The following SKAP2 variants were observed in gnomAD, a reference collection of about 807,000 sequenced individuals.
SKAP2 encodes src kinase-associated phosphoprotein 2.
In SKAP2, 28 loss-of-function variants were observed where a neutral mutation model predicts 54.9. The ratio of observed to expected loss-of-function variants is 0.51; its 90% confidence interval spans 0.38 to 0.70. The LOEUF (loss-of-function observed/expected upper bound fraction) is 0.70. SKAP2 is among the 30% of genes least tolerant of loss of function. SKAP2 has a pLI of 0.00. For missense variants in SKAP2, 356 were observed against 424.1 expected (o/e 0.84, Z 1.41); for synonymous variants, 137 against 134.3 (o/e 1.02, Z -0.14).
intron 4 of SKAP2, among the ~76,000 whole-genome samples, chr7:26,817,936 G>A (rs559546106): frequency 2.0e-5 from 3 of 152,156 alleles, no homozygotes; most frequent in South Asian, 4.1e-4. Flanking sequence ...GGAAATAAGA[G>A]AGAACACAAA....
At chr7:26,679,072 G>A (rs1322243680) in intron 11 of SKAP2, among the ~76,000 whole-genome samples, 1 of 152,136 alleles carries the variant, frequency 6.6e-6, no homozygotes, top group Non-Finnish European at 1.5e-5. Context: ...TATTCATGCT[G>A]AAGTAAATCA....
At chr7:26,822,907 A>G (rs2127990732) in intron 4 of SKAP2, among the ~76,000 whole-genome samples, 1 of 151,972 alleles carries the variant, frequency 6.6e-6, no homozygotes, top group South Asian at 2.1e-4. Flanking sequence ...TTACCCAACA[A>G]AGGCTCTAAG....
chr7:26,752,348 T>C (rs140190028), intron 4 of SKAP2, among the ~76,000 whole-genome samples: 383 of 152,276 alleles, frequency 2.5e-3, no homozygotes, highest in African/African-American at 8.8e-3. Context: ...TTACAGTATA[T>C]AAAATAAAAG....
chr7:26,820,877 T>C (rs1318592573), intron 4 of SKAP2, among the ~76,000 whole-genome samples: 1 of 152,222 alleles, frequency 6.6e-6, no homozygotes, highest in Non-Finnish European at 1.5e-5. Flanking sequence ...TCTTGTGACA[T>C]TACAGTAACC....
intron 9 of SKAP2, among the ~76,000 whole-genome samples, chr7:26,712,154 A>G (rs1787324928): frequency 6.6e-6 from 1 of 152,146 alleles, no homozygotes; most frequent in Non-Finnish European, 1.5e-5. Context: ...CAAATTTCAG[A>G]TTTTTTTGAA....
At chr7:26,800,943 C>G (rs1359703324) in intron 4 of SKAP2, among the ~76,000 whole-genome samples, 3 of 152,000 alleles carry the variant, frequency 2.0e-5, no homozygotes, top group African/African-American at 7.2e-5. Flanking sequence ...CAATCCTAAT[C>G]AAACTAGTCC....
intron 4 of SKAP2, among the ~76,000 whole-genome samples, chr7:26,788,306 C>T (rs1248100633): frequency 1.3e-5 from 2 of 152,054 alleles, no homozygotes; most frequent in African/African-American, 2.4e-5. Flanking sequence ...AACAGCTGTG[C>T]CACTGGCTGT....
At chr7:26,824,767 G>A (rs1025532405) in intron 4 of SKAP2, among the ~76,000 whole-genome samples, 3 of 152,126 alleles carry the variant, frequency 2.0e-5, no homozygotes, top group African/African-American at 7.2e-5. Context: ...ACGTATGGCT[G>A]TGATGTATAA....
chr7:26,779,419 C>A (rs1017799147), intron 4 of SKAP2, among the ~76,000 whole-genome samples: 1 of 151,842 alleles, frequency 6.6e-6, no homozygotes, highest in Admixed American at 6.6e-5. Flanking sequence ...AAATCTGAAG[C>A]CTAACAATAC....
At chr7:26,748,127 A>G (rs1436086419) in intron 4 of SKAP2, among the ~76,000 whole-genome samples, 4 of 152,120 alleles carry the variant, frequency 2.6e-5, no homozygotes, top group African/African-American at 2.4e-5. Flanking sequence ...ATATCTGAAG[A>G]CTGCTTCTTT....
chr7:26,765,840 G>T (rs1390393966), intron 4 of SKAP2, among the ~76,000 whole-genome samples: 1 of 152,080 alleles, frequency 6.6e-6, no homozygotes, highest in Non-Finnish European at 1.5e-5. Context: ...ATCTGTTTTG[G>T]TACCAGTACC....
intron 4 of SKAP2, among the ~76,000 whole-genome samples, chr7:26,780,764 G>T (rs1562607699): frequency 6.6e-6 from 1 of 151,990 alleles, no homozygotes; most frequent in African/African-American, 2.4e-5. Flanking sequence ...ATTGTGATCA[G>T]CTTTCCCAAC....
At chr7:26,771,284 C>T (rs1483662743) in intron 4 of SKAP2, among the ~76,000 whole-genome samples, 1 of 152,158 alleles carries the variant, frequency 6.6e-6, no homozygotes, top group East Asian at 1.9e-4. Flanking sequence ...ATCAAAGAGC[C>T]TGGTTTCTAA....
intron 9 of SKAP2, among the ~76,000 whole-genome samples, chr7:26,710,463 T>C (rs1044505919): frequency 3.3e-5 from 5 of 152,122 alleles, no homozygotes; most frequent in Admixed American, 6.5e-5. Context: ...GATCTGGGCC[T>C]AGAGAGCAGG....
At chr7:26,672,397 C>A (rs1322462178) in intron 11 of SKAP2, among the ~76,000 whole-genome samples, 2 of 151,944 alleles carry the variant, frequency 1.3e-5, no homozygotes, top group Non-Finnish European at 2.9e-5. Context: ...AACTAGAAAG[C>A]ATAGTGGTAA....
intron 4 of SKAP2, among the ~76,000 whole-genome samples, chr7:26,833,169 C>A (rs577610589): frequency 6.6e-6 from 1 of 151,824 alleles, no homozygotes; most frequent in Admixed American, 6.6e-5. Context: ...GTGAGGCGGG[C>A]GGATCACAAG....
chr7:26,726,834 T>C (rs768011566), intron 7 of SKAP2, 48 bp downstream of exon 7: 2 of 1,499,798 alleles, frequency 1.3e-6, no homozygotes, highest in Non-Finnish European at 1.8e-6. Flanking sequence ...ATAAATGAAA[T>C]CAAAACATTT....
chr7:26,804,688 G>T (rs1469361342), intron 4 of SKAP2, among the ~76,000 whole-genome samples: 1 of 143,308 alleles, frequency 7.0e-6, no homozygotes, highest in African/African-American at 2.6e-5. Context: ...GCAGTGAGCC[G>T]AAATAGCACC....
chr7:26,811,372 G>C (rs1784140622), intron 4 of SKAP2, among the ~76,000 whole-genome samples: 1 of 152,044 alleles, frequency 6.6e-6, no homozygotes, highest in Non-Finnish European at 1.5e-5. Flanking sequence ...GAAGCCACTG[G>C]AGCACTGAAA....
Sources: allele counts gnomAD v4.1 joint callset (sites outside exome capture counted in the v4.1 genomes callset), GRCh38; gene constraint gnomAD v4.1.1; transcripts MANE v1.5; gene names NCBI Gene and HGNC (gene_info 2026-07-23, HGNC 2026-07-21).